Variants in PCLO observed in about 807,000 individuals in gnomAD.
PCLO encodes the protein piccolo presynaptic cytomatrix protein.
A neutral mutation model predicts 427.5 loss-of-function variants in PCLO; 82 were observed. The observed-to-expected ratio is 0.19, with a 90% CI of 0.16 to 0.23. The LOEUF is 0.23. Among genes scored for constraint, PCLO ranks in the 10% least tolerant of loss-of-function variants. The pLI is 1.00. For synonymous variants in PCLO, 2,357 were observed against 2,155.4 expected (o/e 1.09, Z -2.59); for missense variants, 6,239 against 6,115.9 (o/e 1.02, Z -0.67).
In PCLO at chr7:82,827,959, A is replaced by G; in HGVS notation, c.14257T>C (p.Tyr4753His). 6.3e-7 allele frequency: 1 copy of G among 1,581,288 alleles called. No homozygotes were observed. Among genetic ancestry groups the G allele is most frequent in the African/African-American group, 1.3e-5 (1 of 74,378 alleles). Reference sequence around the variant, plus strand: ...TGGACATGTTTAGTCCTTCTCTTGTACTCAGCACTGAATTGGGAGAAAAGA... The same window carrying G: ...TGGACATGTTTAGTCCTTCTCTTGTGCTCAGCACTGAATTGGGAGAAAAGA... ...VMVVQNASAE[Y>H]KRRTKHVQKS... Residue 4753 changes from tyrosine (Y) to histidine (H), a missense_variant, in exon 17 of 25, where the codon TAC becomes CAC. By Grantham distance (83) the Tyr-to-His change is moderately conservative. Around this residue, in one of 5 missense-constraint regions of PCLO, gnomAD observed 877 missense variants for 925.5 expected, o/e 0.95. Coordinates refer to ENST00000333891, the MANE Select transcript of PCLO (RefSeq NM_033026.6).
chr7:82,989,716 TG>T (rs1796335500), intron 3 of PCLO, among the ~76,000 whole-genome samples: 1 of 152,162 alleles, frequency 6.6e-6, no homozygotes, highest in South Asian at 2.1e-4. Flanking sequence ...GACAGTGAGA[TG>T]CTATTTTTGA....
intron 3 of PCLO, among the ~76,000 whole-genome samples, chr7:83,091,857 C>T (rs1252418508): frequency 1.3e-5 from 2 of 152,052 alleles, no homozygotes; most frequent in African/African-American, 4.8e-5. Context: ...AAACAAATGC[C>T]TCTGGTTTAG....
At chr7:83,087,417 G>A (rs1009838717) in intron 3 of PCLO, among the ~76,000 whole-genome samples, 10 of 151,542 alleles carry the variant, frequency 6.6e-5, no homozygotes, top group Admixed American at 1.3e-4. Context: ...CAATTCATCT[G>A]TGTAACCAAA....
At position 83,048,370 on chromosome 7, in the gene PCLO, T is replaced by C. The variant is rs967566292; in HGVS notation, c.3301-81883A>G. On this transcript the variant is annotated intron_variant, in intron 3 of 24. Transcript: ENST00000333891. ...GACAGTACTTTGAAGGCCAGATCAG[T>C]TCAGGTGCCCTAGACTAAATTATCT... 2.6e-5 allele frequency among the ~76,000 whole-genome samples: 4 copies of C among 152,204 alleles called. No individual in the cohort carries two copies. The East Asian group carries it at 7.7e-4, about 29-fold the overall frequency.
chr7:82,915,240 A>G lies in PCLO; in HGVS notation c.12746T>C (p.Ile4249Thr), dbSNP rs1794417670. ...DDITFGLRKN[I>T]TDQQKFMGSS... Reference sequence around the variant, plus strand: ...TCCCATAAATTTTTGTTGGTCTGTAATATTTTTTCTGAGGCCAAAAGTGAT... The same window carrying G: ...TCCCATAAATTTTTGTTGGTCTGTAGTATTTTTTCTGAGGCCAAAAGTGAT... The change falls in exon 7 of 25, where the codon ATT becomes ACT. Residue 4249 changes from isoleucine (I) to threonine (T), a missense_variant. By Grantham distance (89) the Ile-to-Thr change is moderately conservative. Coordinates refer to ENST00000333891, the MANE Select transcript of PCLO (RefSeq NM_033026.6). 1.9e-6 allele frequency: 3 copies of G among 1,613,222 alleles called. No homozygotes were observed. The highest frequency in any genetic ancestry group is 2.5e-6 in the Non-Finnish European group (3 of 1,179,684).
intron 3 of PCLO, among the ~76,000 whole-genome samples, chr7:83,031,001 C>T (rs1788652774): frequency 6.6e-6 from 1 of 152,112 alleles, no homozygotes; most frequent in South Asian, 2.1e-4. Flanking sequence ...TATGGTGTCA[C>T]AAGGCAGGCA....
intron 3 of PCLO, among the ~76,000 whole-genome samples, chr7:82,977,920 T>C (rs188489905): frequency 1.3e-5 from 2 of 152,278 alleles, no homozygotes; most frequent in Non-Finnish European, 2.9e-5. Flanking sequence ...ATTTTTGGCC[T>C]GTGTGTTTGG....
In PCLO at chr7:83,155,166, T is replaced by A. The variant is rs1161271026; in HGVS notation, c.1475A>T (p.Gln492Leu). The A allele has an allele frequency of 6.4e-7, 1 of 1,559,024 alleles. No individual in the cohort carries two copies. The highest frequency in any genetic ancestry group is 8.7e-7 in the Non-Finnish European group (1 of 1,154,304). Residue 492 changes from glutamine (Q) to leucine (L), a missense_variant, in exon 2 of 25, where the codon CAA becomes CTA. By Grantham distance (113) the Gln-to-Leu change is moderately radical. Around this residue, in one of 5 missense-constraint regions of PCLO, gnomAD observed 4,677 missense variants for 4,468.4 expected, o/e 1.05. Coordinates refer to ENST00000333891, the MANE Select transcript of PCLO (RefSeq NM_033026.6). ...QQPGPAKPPPQQPGSAKPPSQ... is the reference protein window; with the variant it reads ...QQPGPAKPPPLQPGSAKPPSQ... ...TGGGGGCTTTGCTGAGCCAGGCTGTTGAGGTGGGGGCTTTGCTGGGCCAGG... is the reference window on the plus strand; with the variant it reads ...TGGGGGCTTTGCTGAGCCAGGCTGTAGAGGTGGGGGCTTTGCTGGGCCAGG...
At chr7:82,781,648 GAGGCTTCAGGGGC>G (rs1483879782) in intron 22 of PCLO, among the ~76,000 whole-genome samples, 2 of 152,106 alleles carry the variant, frequency 1.3e-5, no homozygotes, top group Non-Finnish European at 2.9e-5. Flanking sequence ...TTGGGTGTGT[GAGGCTTCAGGGGC>G]AGGCCTCAGG....
chr7:83,114,797 T>C (rs188957720), intron 3 of PCLO, among the ~76,000 whole-genome samples: 1 of 152,204 alleles, frequency 6.6e-6, no homozygotes, highest in African/African-American at 2.4e-5. Flanking sequence ...CTTAGTGTCC[T>C]GATAAGTGAG....
intron 3 of PCLO, among the ~76,000 whole-genome samples, chr7:82,994,830 A>G (rs1260415457): frequency 1.3e-5 from 2 of 152,024 alleles, no homozygotes; most frequent in Non-Finnish European, 2.9e-5. Context: ...TGAGAATAAG[A>G]AAGTAATTTG....
chr7:83,120,464 A>C (rs1160072966), intron 3 of PCLO, among the ~76,000 whole-genome samples: 1 of 151,846 alleles, frequency 6.6e-6, no homozygotes, highest in Non-Finnish European at 1.5e-5. Context: ...AACCTAGAGA[A>C]AGTTACCAAT....
At chr7:82,781,388 A>G (rs1485572906) in intron 22 of PCLO, among the ~76,000 whole-genome samples, 2 of 151,706 alleles carry the variant, frequency 1.3e-5, no homozygotes, top group African/African-American at 2.4e-5. Context: ...TTCCGTAGGT[A>G]TACGTGTGCC....
chr7:83,159,998 A>G (rs1420842647), intron 1 of PCLO, among the ~76,000 whole-genome samples: 3 of 152,104 alleles, frequency 2.0e-5, no homozygotes, highest in African/African-American at 7.2e-5. Context: ...GTAAAAGAAA[A>G]CTGACACATC....
At chr7:82,846,079 T>C (rs1458402835) in intron 12 of PCLO, among the ~76,000 whole-genome samples, 3 of 152,146 alleles carry the variant, frequency 2.0e-5, no homozygotes, top group Non-Finnish European at 4.4e-5. Flanking sequence ...ATATTTGTTA[T>C]TCAAGAAAGA....
intron 3 of PCLO, among the ~76,000 whole-genome samples, chr7:83,066,691 T>G (rs1283822029): frequency 6.6e-6 from 1 of 152,136 alleles, no homozygotes; most frequent in Non-Finnish European, 1.5e-5. Context: ...TGTTGAGAAA[T>G]GAATAATGTA....
chr7:83,088,078 A>G (rs548190959), intron 3 of PCLO, among the ~76,000 whole-genome samples: 20 of 152,222 alleles, frequency 1.3e-4, no homozygotes, highest in Non-Finnish European at 2.2e-4. Flanking sequence ...GTACACAATA[A>G]GCAATCTTGA....
chr7:83,115,490 G>A (rs1333884218), intron 3 of PCLO, among the ~76,000 whole-genome samples: 2 of 151,980 alleles, frequency 1.3e-5, no homozygotes, highest in Non-Finnish European at 2.9e-5. Context: ...TTTATAAGCT[G>A]TTAAAACCTT....
intron 3 of PCLO, among the ~76,000 whole-genome samples, chr7:83,011,604 G>A (rs1788078360): frequency 6.7e-6 from 1 of 148,632 alleles, no homozygotes. Context: ...ATTTTAAGCT[G>A]AAAAAAAAAA....
Sources: gnomAD v4.1 joint callset for allele counts (sites outside exome capture counted in the v4.1 genomes callset) on GRCh38, gnomAD v4.1.1 for gene constraint, gnomAD v4.1.1 regional missense constraint, MANE v1.5 for transcripts, NCBI Gene and HGNC (gene_info 2026-07-23, HGNC 2026-07-21) for gene names.